The following TPST1 variants were observed in gnomAD, a reference collection of about 807,000 sequenced individuals.
The protein encoded by TPST1 is protein-tyrosine sulfotransferase 1.
TPST1 carries 20 observed loss-of-function variants against 34.8 expected under a neutral mutation model. The ratio of observed to expected loss-of-function variants is 0.57; its 90% CI spans 0.40 to 0.84. The LOEUF is 0.84. TPST1 is among the 40% of genes least tolerant of loss of function. The pLI is 0.00. For synonymous variants in TPST1, 152 were observed against 159.4 expected, an observed-to-expected ratio of 0.95 and a Z score of 0.35; for missense variants, 353 against 455.5, an observed-to-expected ratio of 0.78 and a Z score of 2.05.
intron 2 of TPST1, among the ~76,000 whole-genome samples, chr7:66,262,309 T>G (rs1790503823): frequency 6.6e-6 from 1 of 152,218 alleles, no homozygotes; most frequent in Admixed American, 6.5e-5. Context: ...TCAGTGATTT[T>G]GCTAGCAGAA....
At chr7:66,330,613 C>T (rs1462558107) in intron 3 of TPST1, among the ~76,000 whole-genome samples, 1 of 152,144 alleles carries the variant, frequency 6.6e-6, no homozygotes, top group African/African-American at 2.4e-5. Flanking sequence ...AACAGAGATC[C>T]CTTGCCTCCA....
rs1179336523 is a variant in TPST1, at chr7:66,206,000, C to T, written c.-102+478C>T. On this transcript the variant is annotated intron_variant, in intron 1 of 5. Coordinates refer to ENST00000304842, the MANE Select transcript of TPST1 (RefSeq NM_003596.4). This position sits in a 1 kb window ranked among gnomAD's most constrained non-coding sequence, Gnocchi z 5.0. ...GTCTTGCCCTTTTGCTCCTAAGCAC[C>T]TTCCTTTCCCAACTCGCCTCTTCTC... is the stretch of plus-strand genomic sequence containing the variant. 6.5e-6 allele frequency: 1 copy of T among 152,750 alleles called. No homozygotes were observed. Among genetic ancestry groups the T allele is most frequent in the South Asian group, 2.1e-4 (1 of 4,838 alleles). The allele number at this position is 152,750 out of a possible 1,614,324, so 9.5% of individuals were successfully genotyped here.
chr7:66,345,025 A>G (rs767422009), intron 3 of TPST1, among the ~76,000 whole-genome samples: 3 of 151,494 alleles, frequency 2.0e-5, no homozygotes, highest in Non-Finnish European at 4.4e-5. Flanking sequence ...CGCCTGGCCA[A>G]TTTTTTAAAA....
chr7:66,253,519 G>C (rs1487805898), intron 2 of TPST1, among the ~76,000 whole-genome samples: 3 of 151,680 alleles, frequency 2.0e-5, no homozygotes, highest in African/African-American at 7.3e-5. Context: ...CTACAGGCGT[G>C]TGCCACCATG....
intron 2 of TPST1, among the ~76,000 whole-genome samples, chr7:66,275,443 C>T (rs1024995965): frequency 2.0e-5 from 3 of 152,188 alleles, no homozygotes; most frequent in African/African-American, 7.2e-5. Context: ...CATTACAGCA[C>T]TATTCACAAT....
At chr7:66,353,971 A>G (rs1465022274) in intron 4 of TPST1, among the ~76,000 whole-genome samples, 1 of 152,228 alleles carries the variant, frequency 6.6e-6, no homozygotes, top group Admixed American at 6.5e-5. Context: ...TAATTGATAC[A>G]TATGACTTGA....
In TPST1 at chr7:66,240,624, A is replaced by G; in HGVS notation, c.199A>G (p.Lys67Glu). The G allele has an allele frequency of 6.2e-7, 1 of 1,614,226 alleles. No homozygotes were observed. The highest frequency in any genetic ancestry group is 8.5e-7 in the Non-Finnish European group (1 of 1,180,044). The change falls in exon 2 of 6, where the codon AAA becomes GAA. Residue 67 changes from lysine (K) to glutamate (E), a missense_variant. Lys to Glu is a moderately conservative substitution (Grantham distance 56). Coordinates refer to ENST00000304842, the MANE Select transcript of TPST1 (RefSeq NM_003596.4). ...AGCCAACAAAACCTTTGCCTATCAC[A>G]AAGATATGCCTTTAATATTTATTGG... ...LKANKTFAYH[K>E]DMPLIFIGGV...
chr7:66,253,842 A>C (rs1790322698), intron 2 of TPST1, among the ~76,000 whole-genome samples: 1 of 151,752 alleles, frequency 6.6e-6, no homozygotes, highest in Non-Finnish European at 1.5e-5. Context: ...GTTATACCCC[A>C]GCCTGGCCAA....
intron 1 of TPST1, among the ~76,000 whole-genome samples, chr7:66,239,282 T>G (rs953414123): frequency 6.6e-6 from 1 of 152,232 alleles, no homozygotes; most frequent in African/African-American, 2.4e-5. Context: ...CACCTGGTCC[T>G]TCCTTCCTAC....
At chr7:66,211,749 C>T (rs949192126) in intron 1 of TPST1, among the ~76,000 whole-genome samples, 1 of 152,168 alleles carries the variant, frequency 6.6e-6, no homozygotes, top group Non-Finnish European at 1.5e-5. Flanking sequence ...AGGGGGATCA[C>T]GGGGTCAAGA....
At chr7:66,330,040 T>G (rs1791965372) in intron 3 of TPST1, among the ~76,000 whole-genome samples, 1 of 152,124 alleles carries the variant, frequency 6.6e-6, no homozygotes, top group Non-Finnish European at 1.5e-5. Flanking sequence ...TATCCCAAAC[T>G]TCAGCATCAC....
In TPST1 at chr7:66,315,484, A is replaced by G. The variant is rs542987170; in HGVS notation, c.1044+28775A>G. 1.8e-4 allele frequency among the ~76,000 whole-genome samples: 28 copies of G among 152,374 alleles called. No homozygotes were observed. The South Asian group carries it at 3.9e-3, about 21-fold the overall frequency. On this transcript the variant is annotated intron_variant, in intron 3 of 5. Coordinates refer to ENST00000304842, the MANE Select transcript of TPST1 (RefSeq NM_003596.4). ...TTGCCCAGTCATAAGCCAAAGGACA[A>G]GAAAGCCTGGGTGATGCAATCTGGA... is the stretch of plus-strand genomic sequence containing the variant.
chr7:66,335,804 A>T (rs544989244), intron 3 of TPST1, among the ~76,000 whole-genome samples: 1 of 152,330 alleles, frequency 6.6e-6, no homozygotes, highest in Admixed American at 6.5e-5. Flanking sequence ...TACTAAGTAA[A>T]GGCCCGAAAT....
chr7:66,346,845 C>T (rs1324013064), intron 3 of TPST1, among the ~76,000 whole-genome samples: 1 of 151,996 alleles, frequency 6.6e-6, no homozygotes, highest in Non-Finnish European at 1.5e-5. Context: ...TCCCATTTGT[C>T]CATTTTTGCT....
intron 3 of TPST1, among the ~76,000 whole-genome samples, chr7:66,328,698 C>T (rs142378091): frequency 6.6e-5 from 10 of 151,300 alleles, no homozygotes; most frequent in African/African-American, 2.2e-4. Context: ...GCACATGCCA[C>T]AACGCCTGGC....
upstream of TPST1, among the ~76,000 whole-genome samples, chr7:66,203,206 A>AAC (rs761811361): frequency 0.01 from 1,540 of 149,202 alleles, 25 homozygotes; most frequent in African/African-American, 0.029. Flanking sequence ...TATACACACA[A>AAC]ACACACACAC....
chr7:66,354,441 A>G (rs546909252), intron 4 of TPST1, among the ~76,000 whole-genome samples: 2 of 149,490 alleles, frequency 1.3e-5, no homozygotes, highest in African/African-American at 4.9e-5. Context: ...CCCCGTCTCT[A>G]CTAAAAATAT....
intron 2 of TPST1, among the ~76,000 whole-genome samples, chr7:66,255,898 G>GT (rs1393578024): frequency 1.3e-5 from 2 of 151,810 alleles, no homozygotes; most frequent in Non-Finnish European, 2.9e-5. Flanking sequence ...AAGCAGTACA[G>GT]TTTTTTTTAG....
intron 1 of TPST1, among the ~76,000 whole-genome samples, chr7:66,206,295 G>A (rs1789130468): frequency 6.6e-6 from 1 of 151,990 alleles, no homozygotes; most frequent in Non-Finnish European, 1.5e-5. Context: ...GTCCTTACAT[G>A]AGCTGCACCC....
Sources: allele counts gnomAD v4.1 joint callset (sites outside exome capture counted in the v4.1 genomes callset), GRCh38; gene constraint gnomAD v4.1.1; non-coding constraint Gnocchi (gnomAD v3.1); transcripts MANE v1.5; gene names NCBI Gene and HGNC (gene_info 2026-07-23, HGNC 2026-07-21).